The following CHST11 variants were observed in gnomAD, a reference collection of about 807,000 sequenced individuals.
CHST11 encodes the protein carbohydrate sulfotransferase 11, also known as C4S-1.
In CHST11, 9 loss-of-function variants were observed where a neutral mutation model predicts 30.4. The ratio of observed to expected loss-of-function variants is 0.30; its 90% CI spans 0.18 to 0.52. CHST11 has a LOEUF of 0.52. CHST11 is among the 20% of genes least tolerant of loss of function. The pLI is 0.97. For missense variants in CHST11, 348 were observed against 460.6 expected (o/e 0.76, Z 2.24); for synonymous variants, 152 against 187.8 (o/e 0.81, Z 1.56).
At chr12:104,586,071 G>A (rs185356497) in intron 1 of CHST11, among the ~76,000 whole-genome samples, 1 of 152,128 alleles carries the variant, frequency 6.6e-6, no homozygotes, top group African/African-American at 2.4e-5. Context: ...AAGGGACACT[G>A]TGCAATCCAC....
At chr12:104,643,338 G>A (rs1047979932) in intron 2 of CHST11, among the ~76,000 whole-genome samples, 4 of 152,136 alleles carry the variant, frequency 2.6e-5, no homozygotes, top group African/African-American at 7.2e-5. Context: ...TTAAAACAAA[G>A]CAAAACAAAA....
Position 104,664,958 on chromosome 12 carries a change from A to AC in CHST11, c.204+62968dup, listed in dbSNP as rs1167687695. Among the ~76,000 whole-genome samples, 5 of 152,330 alleles carry AC rather than the reference A, an allele frequency of 3.3e-5. No individual in the cohort carries two copies. The East Asian group carries it at 7.7e-4, about 23-fold the overall frequency. On this transcript the variant is annotated intron_variant, in intron 2 of 2. Transcript: ENST00000303694. The stretch of plus-strand genomic sequence containing the variant: ...CGGAGGCAAACCTCGAGGGTTAATT[A>AC]CAGTAATGAATGTGGCCAACACCCG...
chr12:104,674,773 G>T (rs1350132742), intron 2 of CHST11, among the ~76,000 whole-genome samples: 1 of 151,664 alleles, frequency 6.6e-6, no homozygotes, highest in East Asian at 1.9e-4. Context: ...TGGTTTTGCA[G>T]TTCTATATCT....
At chr12:104,646,163 G>A (rs913924980) in intron 2 of CHST11, among the ~76,000 whole-genome samples, 3 of 151,796 alleles carry the variant, frequency 2.0e-5, no homozygotes, top group South Asian at 2.1e-4. Context: ...CACTTTCCAG[G>A]GCCCTGCGAG....
In CHST11 at chr12:104,760,221, T is replaced by C. The variant is rs2040512275; in HGVS notation, c.*2418T>C. The C allele has an allele frequency of 6.7e-6, 1 of 150,374 alleles. No individual in the cohort carries two copies. Among genetic ancestry groups the C allele is most frequent in the Non-Finnish European group, 1.5e-5 (1 of 67,678 alleles). The allele number at this position is 150,374 out of a possible 1,614,324, so 9.3% of individuals were successfully genotyped here. A position where few individuals can be genotyped will look rare whatever the true frequency, so the allele number is the denominator to read the frequency against. ...GGTTGACTTAGCATATCTGAGGTCT[T>C]CAAGGATAAAAACTGCCACCCCAAC... On this transcript the variant is annotated 3_prime_UTR_variant, in exon 3 of 3. Coordinates refer to ENST00000303694, the MANE Select transcript of CHST11 (RefSeq NM_018413.6).
chr12:104,528,223 C>T (rs1005036650), intron 1 of CHST11, among the ~76,000 whole-genome samples: 1 of 152,224 alleles, frequency 6.6e-6, no homozygotes, highest in African/African-American at 2.4e-5. Context: ...GCATGTGCCT[C>T]ACCTAACTGT....
At chr12:104,754,099 C>T (rs563551431) in intron 2 of CHST11, among the ~76,000 whole-genome samples, 3 of 152,284 alleles carry the variant, frequency 2.0e-5, no homozygotes, top group East Asian at 3.9e-4. Context: ...AACCAGAGGT[C>T]GGTAATTTGC....
intron 1 of CHST11, among the ~76,000 whole-genome samples, chr12:104,463,357 C>T (rs2037427506): frequency 6.6e-6 from 1 of 152,076 alleles, no homozygotes; most frequent in Non-Finnish European, 1.5e-5. Context: ...GGCAGTTCTT[C>T]CTATGAACAA....
intron 1 of CHST11, among the ~76,000 whole-genome samples, chr12:104,469,535 G>A (rs557017272): frequency 8.5e-5 from 13 of 152,306 alleles, no homozygotes; most frequent in African/African-American, 1.2e-4. Context: ...GTGAGCAGTT[G>A]TTGGGTGGGT....
chr12:104,543,634 G>T (rs1039603108), intron 1 of CHST11, among the ~76,000 whole-genome samples: 2 of 152,066 alleles, frequency 1.3e-5, no homozygotes. Flanking sequence ...TAATGCATTT[G>T]GTTGGATCCT....
At position 104,524,632 on chromosome 12, in the gene CHST11, GTCCATCCATTCATCCACCCA is replaced by G. The variant is rs1381915239; in HGVS notation, c.118+67113_118+67132del. On this transcript the variant is annotated intron_variant, in intron 1 of 2. Transcript: ENST00000303694. ...TACCCATCCACTCATCCATCCGTCC[GTCCATCCATTCATCCACCCA>G]TCCATCCATCCATCCATCCACCCAT... Among the ~76,000 whole-genome samples the G allele has an allele frequency of 1.7e-4, 25 of 151,340 alleles. No homozygotes were observed. The East Asian group carries it at 4.8e-3, about 29-fold the overall frequency.
chr12:104,508,777 G>A (rs1296273182), intron 1 of CHST11, among the ~76,000 whole-genome samples: 4 of 152,188 alleles, frequency 2.6e-5, no homozygotes. Context: ...TTTATGTGGT[G>A]TGACAGTCTT....
At chr12:104,751,705 T>G (rs1324435724) in intron 2 of CHST11, among the ~76,000 whole-genome samples, 1 of 152,242 alleles carries the variant, frequency 6.6e-6, no homozygotes, top group Non-Finnish European at 1.5e-5. Context: ...AGAGTTGATC[T>G]TATTTACTGA....
chr12:104,568,662 A>G lies in CHST11; in HGVS notation c.119-33244A>G, dbSNP rs558403849. On this transcript the variant is annotated intron_variant, in intron 1 of 2. Coordinates refer to ENST00000303694, the MANE Select transcript of CHST11 (RefSeq NM_018413.6). ...TACTATTATCTATAATGTGGCTTGT[A>G]TTTATCAACTCACTTAAACCTGCAG... 2.6e-3 allele frequency among the ~76,000 whole-genome samples: 400 copies of G among 152,258 alleles called. 1 individual carries two copies. Among genetic ancestry groups the G allele is most frequent in the Non-Finnish European group, 4.4e-3 (301 of 68,028 alleles).
intron 2 of CHST11, among the ~76,000 whole-genome samples, chr12:104,650,338 T>G (rs1193217175): frequency 6.6e-6 from 1 of 152,204 alleles, no homozygotes; most frequent in African/African-American, 2.4e-5. Context: ...CAGCCTCTCC[T>G]TGAGCTGAAG....
chr12:104,460,373 A>G (rs1278134485), intron 1 of CHST11, among the ~76,000 whole-genome samples: 2 of 152,292 alleles, frequency 1.3e-5, no homozygotes, highest in African/African-American at 2.4e-5. Flanking sequence ...AGAGAAAGAA[A>G]AAAAGGAAGG....
intron 2 of CHST11, among the ~76,000 whole-genome samples, chr12:104,670,394 C>T (rs985753974): frequency 2.0e-5 from 3 of 152,112 alleles, no homozygotes; most frequent in African/African-American, 4.8e-5. Flanking sequence ...CATGAACTGC[C>T]TCCATTTCCT....
intron 1 of CHST11, among the ~76,000 whole-genome samples, chr12:104,578,624 A>G (rs911317778): frequency 6.6e-6 from 1 of 152,208 alleles, no homozygotes; most frequent in Non-Finnish European, 1.5e-5. Flanking sequence ...ATTCTGTCCC[A>G]GAATCCCTAA....
At chr12:104,587,840 TTTTTG>T (rs199805345) in intron 1 of CHST11, among the ~76,000 whole-genome samples, 1,576 of 72,158 alleles carry the variant, frequency 0.022, 18 homozygotes, top group Non-Finnish European at 0.036. Context: ...TGTTTTTTGT[TTTTTG>T]TTTTTTTTTT....
Sources: gnomAD v4.1 joint callset for allele counts (sites outside exome capture counted in the v4.1 genomes callset) on GRCh38, gnomAD v4.1.1 for gene constraint, MANE v1.5 for transcripts, NCBI Gene and HGNC (gene_info 2026-07-23, HGNC 2026-07-21) for gene names.